GRHPR: variants seen among roughly 807,000 people sequenced by gnomAD.
GRHPR encodes the protein glyoxylate reductase/hydroxypyruvate reductase.
Under a neutral mutation model 36.8 loss-of-function variants are expected in GRHPR, and 35 were observed. That is an observed-to-expected ratio of 0.95 (90% CI 0.73 to 1.26). The LOEUF (loss-of-function observed/expected upper bound fraction) is 1.26, where lower values mean the gene tolerates loss of function less well. Among genes scored for constraint, GRHPR ranks in the 50% most tolerant of loss-of-function variants. The probability of loss-of-function intolerance (pLI) is 0.00; values close to 1 mark genes in which losing one functional copy is unlikely to be tolerated. For synonymous variants in GRHPR, 179 were observed against 181.0 expected (o/e 0.99, Z 0.09); for missense variants, 380 against 435.0 (o/e 0.87, Z 1.12).
In GRHPR at chr9:37,424,889, A is replaced by G. The variant is rs1425205305; in HGVS notation, c.128A>G (p.Lys43Arg). ...GACTCGGATGAGCCCATCCCTGCCA[A>G]GGAGCTAGAGCGAGGTGTGGCGGGG... ...QWDSDEPIPA[K>R]ELERGVAGAH... Residue 43 changes from lysine to arginine, a missense_variant, in exon 2 of 9, where the codon AAG becomes AGG. Coordinates refer to ENST00000318158, the MANE Select transcript of GRHPR (RefSeq NM_012203.2). 1.2e-6 allele frequency: 2 copies of G among 1,613,580 alleles called. No homozygotes were observed. The highest frequency in any genetic ancestry group is 1.3e-5 in the African/African-American group (1 of 74,940).
At chr9:37,423,846 T>C (rs1414107768) in intron 1 of GRHPR, among the ~76,000 whole-genome samples, 1 of 152,196 alleles carries the variant, frequency 6.6e-6, no homozygotes, top group Non-Finnish European at 1.5e-5. Flanking sequence ...CTTTTAATCC[T>C]GGTAGCACTG....
chr9:37,422,570 C>A, upstream of GRHPR: 2 of 651,574 alleles, frequency 3.1e-6, no homozygotes, highest in African/African-American at 1.8e-5. Context: ...ACTGTCACTC[C>A]CCGAGCACGC....
chr9:37,422,639 A>G, upstream of GRHPR: 4 of 863,674 alleles, frequency 4.6e-6, no homozygotes, highest in South Asian at 2.9e-5. Flanking sequence ...CCCCCTGCGC[A>G]CGCCGCGCGC....
chr9:37,436,472 TGTTA>T (rs1344479406), intron 8 of GRHPR, among the ~76,000 whole-genome samples, 185 bp from the exon 9 acceptor site: 4 of 152,206 alleles, frequency 2.6e-5, no homozygotes, highest in Non-Finnish European at 5.9e-5. Context: ...CCCTTCACTC[TGTTA>T]GTCTGAACCT....
intron 8 of GRHPR, chr9:37,432,412 G>C: frequency 2.6e-6 from 1 of 383,814 alleles, no homozygotes; most frequent in African/African-American, 2.1e-5. Context: ...AGGCGTGGTG[G>C]CTCATGCCTG....
At chr9:37,426,738 A>G in intron 4 of GRHPR, 84 bp downstream of exon 4, 1 of 798,112 alleles carries the variant, frequency 1.3e-6, no homozygotes, top group South Asian at 1.4e-5. Flanking sequence ...TCATGAGGTT[A>G]GGAGTTCGAG....
intron 1 of GRHPR, among the ~76,000 whole-genome samples, 164 bp from the exon 2 acceptor site, chr9:37,424,681 T>A (rs922547496): frequency 3.9e-5 from 6 of 152,094 alleles, no homozygotes; most frequent in African/African-American, 1.2e-4. Context: ...TGTCACCTGC[T>A]GTCTCGGGAC....
chr9:37,422,461 G>C (rs764965026), upstream of GRHPR, among the ~76,000 whole-genome samples: 9 of 152,152 alleles, frequency 5.9e-5, no homozygotes, highest in African/African-American at 1.4e-4. Context: ...TGAGGCCTTG[G>C]ACGGGATACT....
chr9:37,428,702 C>T, intron 5 of GRHPR, 130 bp downstream of exon 5: 1 of 734,268 alleles, frequency 1.4e-6, no homozygotes, highest in Non-Finnish European at 2.5e-6. Flanking sequence ...AGAGATATCT[C>T]TAATGAGGGA....
At chr9:37,428,230 C>T in intron 4 of GRHPR, 1 of 576,484 alleles carries the variant, frequency 1.7e-6, no homozygotes, top group East Asian at 2.9e-5. Flanking sequence ...GGTTTGTTTT[C>T]CCATCTGCAA....
At chr9:37,424,710 G>A in intron 1 of GRHPR, 135 bp from the exon 2 acceptor site, 1 of 1,000,540 alleles carries the variant, frequency 1.0e-6, no homozygotes, top group South Asian at 1.5e-5. Context: ...GACCACCCCT[G>A]CCTGACCCTG....
chr9:37,430,824 A>G (rs1020786636), intron 7 of GRHPR, 178 bp downstream of exon 7: 25 of 707,830 alleles, frequency 3.5e-5, no homozygotes, highest in Non-Finnish European at 5.7e-5. Flanking sequence ...CGTACAGGGA[A>G]GAAGAGCCGT....
At position 37,432,001 on chromosome 9, in the gene GRHPR, T is replaced by C. The variant is rs374757527; in HGVS notation, c.735-7T>C. The C allele has an allele frequency of 1.4e-5, 23 of 1,613,660 alleles. No individual in the cohort carries two copies. The highest frequency in any genetic ancestry group is 1.8e-5 in the Non-Finnish European group (21 of 1,179,724). Reference sequence around the variant, plus strand: ...CGGGGTACCCATGTCACCACTGTCATTCCCAGGGGCGACGTCGTAAACCAG... The same window carrying C: ...CGGGGTACCCATGTCACCACTGTCACTCCCAGGGGCGACGTCGTAAACCAG... On this transcript the variant is annotated splice_region_variant and splice_polypyrimidine_tract_variant and intron_variant, in intron 7 of 8. Transcript: ENST00000318158.
At chr9:37,438,030 AAAG>A (rs1365614963), downstream of GRHPR, 3 of 152,260 alleles carry the variant, frequency 2.0e-5, no homozygotes, top group African/African-American at 4.8e-5. Context: ...AGTACTAGTC[AAAG>A]AAGGGCTGGC....
At chr9:37,423,572 A>G (rs1822943016) in intron 1 of GRHPR, among the ~76,000 whole-genome samples, 1 of 152,122 alleles carries the variant, frequency 6.6e-6, no homozygotes, top group Admixed American at 6.5e-5. Flanking sequence ...CCTGGACTCA[A>G]GAGATACTTC....
intron 8 of GRHPR, chr9:37,434,209 A>C (rs756841851): frequency 1.0e-5 from 4 of 400,284 alleles, no homozygotes; most frequent in Middle Eastern, 6.1e-4. Flanking sequence ...GGAAGGATGC[A>C]ATCATTTGTG....
At chr9:37,437,893 G>A (rs2118922356), downstream of GRHPR, among the ~76,000 whole-genome samples, 1 of 152,290 alleles carries the variant, frequency 6.6e-6, no homozygotes, top group East Asian at 1.9e-4. Flanking sequence ...GAGCAACTGG[G>A]TAGACTGAAA....
At chr9:37,423,815 C>T (rs1283089771) in intron 1 of GRHPR, among the ~76,000 whole-genome samples, 2 of 152,180 alleles carry the variant, frequency 1.3e-5, no homozygotes, top group Admixed American at 1.3e-4. Flanking sequence ...CCAACCTTGC[C>T]AGGTGCTTCA....
chr9:37,434,913 T>C (rs1158910378), intron 8 of GRHPR: 1 of 152,312 alleles, frequency 6.6e-6, no homozygotes, highest in Admixed American at 6.5e-5. Context: ...CCAGGAATGT[T>C]TCTTGTGAGT....
Sources: gnomAD v4.1 joint callset for allele counts (sites outside exome capture counted in the v4.1 genomes callset) on GRCh38, gnomAD v4.1.1 for gene constraint, MANE v1.5 for transcripts, NCBI Gene and HGNC (gene_info 2026-07-23, HGNC 2026-07-21) for gene names.